Variants in GRID1 observed in about 807,000 individuals in gnomAD.
GRID1 encodes glutamate ionotropic receptor delta type subunit 1.
Under a neutral mutation model 98.0 loss-of-function variants are expected in GRID1, and 28 were observed. That is an observed-to-expected ratio of 0.29 (90% CI 0.21 to 0.39). The LOEUF (loss-of-function observed/expected upper bound fraction) is 0.39. Among genes scored for constraint, GRID1 ranks in the 10% least tolerant of loss-of-function variants. GRID1 has a pLI of 1.00. For missense variants in GRID1, 1,111 were observed against 1,340.5 expected (o/e 0.83, Z 2.67); for synonymous variants, 553 against 538.5 (o/e 1.03, Z -0.37).
intron 8 of GRID1, among the ~76,000 whole-genome samples, chr10:85,828,575 G>A (rs766339162): frequency 3.3e-5 from 5 of 151,660 alleles, no homozygotes; most frequent in African/African-American, 4.8e-5. Context: ...AAAGAGAGAA[G>A]AGCCAAATAA....
chr10:85,715,403 C>T (rs4262675), intron 12 of GRID1, among the ~76,000 whole-genome samples: 151,997 of 152,302 alleles, frequency 1, 75,846 homozygotes, highest in Middle Eastern at 1. Flanking sequence ...TAAAATCCTA[C>T]ACATAGCAAA....
chr10:86,184,461 C>CTTTTT (rs1198471392), intron 3 of GRID1, among the ~76,000 whole-genome samples: 4,575 of 122,656 alleles, frequency 0.037, 86 homozygotes, highest in South Asian at 0.057. Context: ...TTTCTTTTTT[C>CTTTTT]TTTTTTTTTT....
chr10:86,194,316 A>C, intron 3 of GRID1, among the ~76,000 whole-genome samples: 1 of 152,074 alleles, frequency 6.6e-6, no homozygotes, highest in South Asian at 2.1e-4. Flanking sequence ...AATAAAGCCC[A>C]CTCTGCAGAA....
chr10:85,782,843 G>A lies in GRID1; in HGVS notation c.1234-53229C>T, dbSNP rs137950314. Among the ~76,000 whole-genome samples, 372 of 152,316 alleles carry A rather than the reference G, an allele frequency of 2.4e-3. 1 individual carries two copies. The highest frequency in any genetic ancestry group is 7.9e-3 in the African/African-American group (329 of 41,552). ...CAAGTACAAATTAGTGTACGTGCAC[G>A]TCTAAATCTTCTTCCAGGAGGAATT... On this transcript the variant is annotated intron_variant, in intron 8 of 15. Transcript: ENST00000327946.
At chr10:85,781,017 G>A (rs533300216) in intron 8 of GRID1, among the ~76,000 whole-genome samples, 26 of 152,214 alleles carry the variant, frequency 1.7e-4, no homozygotes, top group Admixed American at 3.3e-4. Flanking sequence ...GGGCCAAGCA[G>A]CCACTGGGCT....
At chr10:85,960,469 T>C (rs1346149545) in intron 4 of GRID1, among the ~76,000 whole-genome samples, 1 of 152,230 alleles carries the variant, frequency 6.6e-6, no homozygotes, top group Non-Finnish European at 1.5e-5. Context: ...GCCCTCTCTT[T>C]GCTAAAGCTT....
At chr10:85,653,154 C>T (rs1015009766) in intron 12 of GRID1, among the ~76,000 whole-genome samples, 1 of 152,208 alleles carries the variant, frequency 6.6e-6, no homozygotes, top group South Asian at 2.1e-4. Context: ...GCAGTCTTGA[C>T]TTGCAGGCTG....
chr10:85,899,452 C>T (rs1323013574), intron 5 of GRID1, among the ~76,000 whole-genome samples: 2 of 152,178 alleles, frequency 1.3e-5, no homozygotes, highest in Non-Finnish European at 2.9e-5. Context: ...GCTGAGTCTA[C>T]AGACATCTTT....
At chr10:86,004,076 A>G (rs140444482) in intron 4 of GRID1, among the ~76,000 whole-genome samples, 92 of 151,888 alleles carry the variant, frequency 6.1e-4, no homozygotes, top group Middle Eastern at 3.4e-3. Flanking sequence ...TAAGAGAGGT[A>G]TACTATTTAC....
At chr10:85,823,332 A>T (rs1002895288) in intron 8 of GRID1, among the ~76,000 whole-genome samples, 2 of 152,340 alleles carry the variant, frequency 1.3e-5, no homozygotes, top group Admixed American at 1.3e-4. Flanking sequence ...AAGTTATTGA[A>T]AAATCCATGA....
At chr10:86,117,120 ACAATCAG>A (rs1844595076) in intron 4 of GRID1, among the ~76,000 whole-genome samples, 1 of 151,450 alleles carries the variant, frequency 6.6e-6, no homozygotes, top group South Asian at 2.1e-4. Context: ...CACCATTACC[ACAATCAG>A]CAATACTACC....
At chr10:86,187,048 A>G (rs1445250073) in intron 3 of GRID1, among the ~76,000 whole-genome samples, 1 of 152,158 alleles carries the variant, frequency 6.6e-6, no homozygotes, top group Non-Finnish European at 1.5e-5. Context: ...GGCAGCCCCA[A>G]ATCCCTTTTA....
chr10:86,325,252 A>T (rs1848031601), intron 2 of GRID1, among the ~76,000 whole-genome samples: 1 of 152,240 alleles, frequency 6.6e-6, no homozygotes, highest in Non-Finnish European at 1.5e-5. Context: ...AAAGTTCTGC[A>T]TATATTAACT....
At chr10:85,973,248 G>A (rs1412922853) in intron 4 of GRID1, among the ~76,000 whole-genome samples, 1 of 151,120 alleles carries the variant, frequency 6.6e-6, no homozygotes, top group Non-Finnish European at 1.5e-5. Context: ...TTTATTTTTT[G>A]TCTTTATAAA....
intron 2 of GRID1, among the ~76,000 whole-genome samples, chr10:86,241,512 C>T (rs2814336): frequency 0.93 from 141,589 of 152,326 alleles, 66,431 homozygotes; most frequent in African/African-American, 0.97. Flanking sequence ...CAGGCCTCAT[C>T]TGGGCCATGC....
At chr10:85,876,891 G>T (rs1259473132) in intron 5 of GRID1, among the ~76,000 whole-genome samples, 1 of 152,168 alleles carries the variant, frequency 6.6e-6, no homozygotes, top group African/African-American at 2.4e-5. Flanking sequence ...GGAAAATCGG[G>T]TCACACCCAC....
chr10:85,940,127 C>G (rs1038073988), intron 4 of GRID1, among the ~76,000 whole-genome samples: 17 of 150,402 alleles, frequency 1.1e-4, no homozygotes, highest in African/African-American at 4.2e-4. Context: ...GGGCATTGTT[C>G]TGCCTGCCAC....
intron 8 of GRID1, among the ~76,000 whole-genome samples, chr10:85,854,114 T>A (rs567290407): frequency 2.8e-4 from 43 of 152,320 alleles, no homozygotes; most frequent in African/African-American, 1.0e-3. Context: ...ACACTCAGGC[T>A]GTAACCTCTG....
chr10:85,668,863 C>T (rs1294491394), intron 12 of GRID1, among the ~76,000 whole-genome samples: 2 of 152,234 alleles, frequency 1.3e-5, no homozygotes, highest in Non-Finnish European at 2.9e-5. Flanking sequence ...GTGTTCTCAA[C>T]AGCTCATGAT....
Sources: gnomAD v4.1 joint callset for allele counts (sites outside exome capture counted in the v4.1 genomes callset) on GRCh38, gnomAD v4.1.1 for gene constraint, MANE v1.5 for transcripts, NCBI Gene and HGNC (gene_info 2026-07-23, HGNC 2026-07-21) for gene names.